PKHD1L1: variants seen among roughly 807,000 people sequenced by gnomAD.
PKHD1L1 encodes the protein fibrocystin-L.
PKHD1L1 carries 434 observed loss-of-function variants against 462.9 expected under a neutral mutation model. The observed-to-expected ratio is 0.94, with a 90% CI of 0.87 to 1.02. PKHD1L1 has a LOEUF of 1.02. PKHD1L1 is among the 50% of genes least tolerant of loss of function. PKHD1L1 has a pLI of 0.00. For missense variants in PKHD1L1, 5,202 were observed against 5,096.1 expected (o/e 1.02, Z -0.63); for synonymous variants, 1,781 against 1,750.0 (o/e 1.02, Z -0.44).
At chr8:109,417,802 G>A (rs1444499661) in intron 21 of PKHD1L1, among the ~76,000 whole-genome samples, 1 of 152,080 alleles carries the variant, frequency 6.6e-6, no homozygotes, top group Non-Finnish European at 1.5e-5. Flanking sequence ...CACCCACTTC[G>A]GCCTCCCAAA....
chr8:109,483,201 G>A (rs1818357743), intron 57 of PKHD1L1, 96 bp downstream of exon 57: 2 of 805,758 alleles, frequency 2.5e-6, no homozygotes, highest in Admixed American at 8.1e-5. Context: ...ATTTTCTCAT[G>A]TGATTAACCA....
chr8:109,385,758 G>A, intron 6 of PKHD1L1, 128 bp downstream of exon 6: 1 of 538,680 alleles, frequency 1.9e-6, no homozygotes, highest in Non-Finnish European at 3.0e-6. Context: ...TTTTTTTTCA[G>A]CCATATTATA....
intron 10 of PKHD1L1, 102 bp from the exon 11 acceptor site, chr8:109,395,925 T>C: frequency 1.4e-6 from 1 of 711,156 alleles, no homozygotes; most frequent in Non-Finnish European, 2.5e-6. Flanking sequence ...CTACTACCTG[T>C]GTTAGGCACT....
rs201519773 is a variant in PKHD1L1 at position 109,490,024 on chromosome 8, G to A, written c.9953G>A (p.Arg3318Lys). The change falls in exon 60 of 78, where the codon AGA (arginine) becomes AAA (lysine). Residue 3318 changes from arginine (R) to lysine (K), a missense_variant. Physicochemically the swap from Arg to Lys is conservative, Grantham distance 26 (BLOSUM62 2). Around this residue, in one of 3 missense-constraint regions of PKHD1L1, gnomAD observed 4,497 missense variants for 4,336.8 expected, o/e 1.04. Coordinates refer to ENST00000378402, the MANE Select transcript of PKHD1L1 (RefSeq NM_177531.6). ...GGCTTCAGGGATAGCACAGATCCAA[G>A]ATATGCTGTAACGTTTCTTAACCTA... ...QEGFRDSTDPRYAVTFLNLGQ... is the reference protein window; with the variant it reads ...QEGFRDSTDPKYAVTFLNLGQ... 80 of 1,607,746 alleles carry A rather than the reference G, an allele frequency of 5.0e-5. No individual in the cohort carries two copies. Among genetic ancestry groups the A allele is most frequent in the Non-Finnish European group, 6.5e-5 (76 of 1,175,494 alleles).
At chr8:109,497,388 T>C (rs2130939417) in intron 65 of PKHD1L1, 116 bp downstream of exon 65, 4 of 1,033,354 alleles carry the variant, frequency 3.9e-6, no homozygotes, top group Non-Finnish European at 5.4e-6. Flanking sequence ...CGCCCACACC[T>C]CCCTGCCTTT....
chr8:109,531,258 C>T lies in PKHD1L1; in HGVS notation c.*1168C>T, dbSNP rs1358356032. ...ATAAACACTTACCAGGTAGTAAAAT[C>T]AAATATCTTGGTATAAATGTGGCAT... On this transcript the variant is annotated 3_prime_UTR_variant, in exon 78 of 78. Coordinates refer to ENST00000378402, the MANE Select transcript of PKHD1L1 (RefSeq NM_177531.6). Among the ~76,000 whole-genome samples, 1 of 152,162 alleles carries T rather than the reference C, an allele frequency of 6.6e-6. No homozygotes were observed. The highest frequency in any genetic ancestry group is 1.5e-5 in the Non-Finnish European group (1 of 68,040).
chr8:109,412,741 A>C (rs981161309), intron 20 of PKHD1L1, among the ~76,000 whole-genome samples: 1 of 152,176 alleles, frequency 6.6e-6, no homozygotes, highest in African/African-American at 2.4e-5. Flanking sequence ...TCATTAATTA[A>C]GAAGAAAGAA....
chr8:109,449,376 A>T lies in PKHD1L1; in HGVS notation c.6064A>T (p.Thr2022Ser). ...GGGQTMTVTGTGFNPQNSIIL... is the reference protein window; with the variant it reads ...GGGQTMTVTGSGFNPQNSIIL... ...GGGTCAAACCATGACTGTGACAGGC[A>T]CCGGATTTAATCCACAAAATTCAAT... Residue 2022 changes from threonine to serine, a missense_variant, in exon 40 of 78, where the codon ACC becomes TCC. Physicochemically the swap from Thr to Ser is moderately conservative, Grantham distance 58. Transcript: ENST00000378402. The T allele has an allele frequency of 6.3e-7, 1 of 1,582,362 alleles. No homozygotes were observed. Among genetic ancestry groups the T allele is most frequent in the Non-Finnish European group, 8.6e-7 (1 of 1,162,738 alleles).
chr8:109,405,219 G>A (rs139126947), intron 16 of PKHD1L1, 89 bp downstream of exon 16: 2 of 796,382 alleles, frequency 2.5e-6, no homozygotes, highest in African/African-American at 1.8e-5. Context: ...TACACTGTCT[G>A]GAAAATATAG....
chr8:109,445,980 T>C (rs952387529), intron 38 of PKHD1L1, among the ~76,000 whole-genome samples: 2 of 151,812 alleles, frequency 1.3e-5, no homozygotes, highest in Admixed American at 6.5e-5. Flanking sequence ...CTAGAAACTC[T>C]AGTTAAAAAT....
chr8:109,444,702 T>A lies in PKHD1L1; in HGVS notation c.4833T>A (p.Ser1611Arg), dbSNP rs756056607. 1 of 1,613,830 alleles carries A rather than the reference T, an allele frequency of 6.2e-7. No individual in the cohort carries two copies. Among genetic ancestry groups the A allele is most frequent in the African/African-American group, 1.3e-5 (1 of 74,948 alleles). Residue 1611 changes from serine (S) to arginine (R), a missense_variant, in exon 38 of 78, where the codon AGT becomes AGA. This residue lies in a region of PKHD1L1 where 4,497 missense variants were observed against 4,336.8 expected (regional missense o/e 1.04). Coordinates refer to ENST00000378402, the MANE Select transcript of PKHD1L1 (RefSeq NM_177531.6). Reference sequence around the variant, plus strand: ...ACCCCTGTGTCGTAGAAGAAAGTAGTGAGGATTCAATTACATGTCATATTG... The same window carrying A: ...ACCCCTGTGTCGTAGAAGAAAGTAGAGAGGATTCAATTACATGTCATATTG... ...GSYPCVVEES[S>R]EDSITCHIDP...
chr8:109,406,431 A>C lies in PKHD1L1; in HGVS notation c.1766A>C (p.Gln589Pro). The part of the protein sequence containing the change: ...KPDTVQVIRT[Q>P]NPQSYVYMVT... ...GACACAGTTCAAGTAATAAGAACAC[A>C]AAATCCCCAGAGCTATGTCTACATG... Residue 589 changes from glutamine (Q) to proline (P), a missense_variant, in exon 17 of 78, where the codon CAA (glutamine) becomes CCA (proline). Transcript: ENST00000378402. The C allele has an allele frequency of 6.3e-7, 1 of 1,599,516 alleles. No homozygotes were observed. The highest frequency in any genetic ancestry group is 8.5e-7 in the Non-Finnish European group (1 of 1,172,470).
At chr8:109,411,513 AC>A (rs1474956436) in intron 19 of PKHD1L1, among the ~76,000 whole-genome samples, 2 of 152,176 alleles carry the variant, frequency 1.3e-5, no homozygotes, top group Non-Finnish European at 2.9e-5. Context: ...TGAACGTAGT[AC>A]TAGCAGCCAT....
At chr8:109,485,410 A>T (rs573600759) in intron 58 of PKHD1L1, among the ~76,000 whole-genome samples, 1 of 152,044 alleles carries the variant, frequency 6.6e-6, no homozygotes, top group Admixed American at 6.6e-5. Flanking sequence ...TTGACATTTT[A>T]TAGGGTAAGG....
chr8:109,509,754 G>C (rs1000389275), intron 70 of PKHD1L1, among the ~76,000 whole-genome samples: 1 of 151,728 alleles, frequency 6.6e-6, no homozygotes, highest in African/African-American at 2.4e-5. Flanking sequence ...TTTATATTTT[G>C]TATGCTAAGG....
chr8:109,510,287 G>C (rs2844258), intron 70 of PKHD1L1, among the ~76,000 whole-genome samples: 1 of 151,934 alleles, frequency 6.6e-6, no homozygotes, highest in East Asian at 1.9e-4. Flanking sequence ...GTCCATGTTT[G>C]CCAGGTACAG....
At chr8:109,457,507 T>C (rs1162651594) in intron 46 of PKHD1L1, among the ~76,000 whole-genome samples, 1 of 152,204 alleles carries the variant, frequency 6.6e-6, no homozygotes, top group African/African-American at 2.4e-5. Context: ...CACTGTGTCA[T>C]TGATAAATCC....
At position 109,515,272 on chromosome 8, in the gene PKHD1L1, A is replaced by C. The variant is rs1186759397; in HGVS notation, c.11656A>C (p.Lys3886Gln). The C allele has an allele frequency of 6.2e-7, 1 of 1,601,408 alleles. No individual in the cohort carries two copies. Among genetic ancestry groups the C allele is most frequent in the South Asian group, 1.1e-5 (1 of 89,298 alleles). ...AACTACAATATGGAATGCCCAGCAG[A>C]AACACTGTGAACTTAATAACCATCT... ...PKTTIWNAQQ[K>Q]HCELNNHLYK... The change falls in exon 72 of 78, where the codon AAA becomes CAA. Residue 3886 changes from lysine to glutamine, a missense_variant. Physicochemically the swap from Lys to Gln is moderately conservative, Grantham distance 53 (BLOSUM62 1). Coordinates refer to ENST00000378402, the MANE Select transcript of PKHD1L1 (RefSeq NM_177531.6).
chr8:109,420,634 A>G lies in PKHD1L1; in HGVS notation c.2641A>G (p.Met881Val). 1 of 1,608,204 alleles carries G rather than the reference A, an allele frequency of 6.2e-7. No individual in the cohort carries two copies. The highest frequency in any genetic ancestry group is 8.5e-7 in the Non-Finnish European group (1 of 1,177,402). The change falls in exon 23 of 78, where the codon ATG (methionine) becomes GTG (valine). Residue 881 changes from methionine (M) to valine (V), a missense_variant. This residue lies in a region of PKHD1L1 where 4,497 missense variants were observed against 4,336.8 expected (regional missense o/e 1.04). Coordinates refer to ENST00000378402, the MANE Select transcript of PKHD1L1 (RefSeq NM_177531.6). ...TATGACAAACCAATATTCTGTTACC[A>G]TGACTTCATACAATTGCAGTTACAA... ...PTMTNQYSVTMTSYNCSYNIP... is the reference protein window; with the variant it reads ...PTMTNQYSVTVTSYNCSYNIP...
Sources: allele counts gnomAD v4.1 joint callset (sites outside exome capture counted in the v4.1 genomes callset), GRCh38; gene constraint gnomAD v4.1.1; regional missense constraint gnomAD v4.1.1; transcripts MANE v1.5; gene names NCBI Gene and HGNC (gene_info 2026-07-23, HGNC 2026-07-21).